ZNF91: variants seen among roughly 807,000 people sequenced by gnomAD.
The protein encoded by ZNF91 is zinc finger protein 91, also known as zinc finger protein 91 (HPF7, HTF10).
ZNF91 carries 7 observed loss-of-function variants against 12.6 expected under a neutral mutation model. That is an observed-to-expected ratio of 0.55 (90% CI 0.31 to 1.04). The LOEUF (loss-of-function observed/expected upper bound fraction) is 1.04. Ranked by LOEUF, ZNF91 falls within the 50% of genes least tolerant of loss-of-function variation. The probability of loss-of-function intolerance (pLI) is 0.05; values close to 1 mark genes in which losing one functional copy is unlikely to be tolerated. For missense variants in ZNF91, 1,217 were observed against 1,385.4 expected, an observed-to-expected ratio of 0.88 and a Z score of 1.93; for synonymous variants, 453 against 462.6, an observed-to-expected ratio of 0.98 and a Z score of 0.27.
At position 23,323,640 on chromosome 19, in the gene ZNF91, CTCT is replaced by C. The variant is rs541432470; in HGVS notation, n.117-14546_117-14544del. 7.7e-4 allele frequency among the ~76,000 whole-genome samples: 104 copies of C among 134,650 alleles called. 1 individual carries two copies. Among genetic ancestry groups the C allele is most frequent in the Non-Finnish European group, 1.4e-3 (90 of 64,334 alleles). 88.3% of individuals were successfully genotyped at this position (134,650 alleles called of 152,430 possible). On this transcript the variant is annotated intron_variant and non_coding_transcript_variant, in intron 1 of 1. Transcript: ENST00000596528. ...TCTCTTCTCCTTTCTCCTCCTCCTTCTCTTCTCCTCTCCTCCTCCTTTCCTCTT... is the reference window on the plus strand; with the variant it reads ...TCTCTTCTCCTTTCTCCTCCTCCTTCTCTCCTCTCCTCCTCCTTTCCTCTT...
At chr19:23,372,203 GGA>G (rs1184346930) in intron 3 of ZNF91, among the ~76,000 whole-genome samples, 1 of 151,668 alleles carries the variant, frequency 6.6e-6, no homozygotes, top group African/African-American at 2.4e-5. Context: ...AAATTTATAT[GGA>G]GAGTGACATT....
chr19:23,306,301 C>A (rs762701252), intron 3 of ZNF91, among the ~76,000 whole-genome samples: 2 of 152,196 alleles, frequency 1.3e-5, no homozygotes, highest in African/African-American at 2.4e-5. Context: ...GACCTTCCTG[C>A]AGGTGTGATT....
Position 23,359,018 on chromosome 19 carries a change from AT to A in ZNF91, c.*384del. The A allele has an allele frequency of 5.9e-6, 3 of 509,734 alleles. No homozygotes were observed. Among genetic ancestry groups the A allele is most frequent in the Non-Finnish European group, 1.1e-5 (3 of 261,066 alleles). 31.6% of individuals were successfully genotyped at this position (509,734 alleles called of 1,614,324 possible). The stretch of plus-strand genomic sequence containing the variant: ...GAAAACTGGTTAAAGGCTTTGCCAA[AT>A]TTTTCCTGTTTGTAGGGTTGCTGTC... On this transcript the variant is annotated 3_prime_UTR_variant, in exon 4 of 4. Transcript: ENST00000300619.
intron 1 of ZNF91, among the ~76,000 whole-genome samples, chr19:23,330,606 T>C (rs1599693930): frequency 6.6e-6 from 1 of 152,160 alleles, no homozygotes; most frequent in East Asian, 1.9e-4. Context: ...CATGGATAAT[T>C]CTGCATCACC....
At chr19:23,334,275 T>TA (rs1298655934), downstream of ZNF91, among the ~76,000 whole-genome samples, 11 of 152,230 alleles carry the variant, frequency 7.2e-5, no homozygotes, top group East Asian at 2.1e-3. Flanking sequence ...TGATGAGAGA[T>TA]ACTGGCCTTA....
intron 1 of ZNF91, among the ~76,000 whole-genome samples, chr19:23,322,187 C>A (rs1355487179): frequency 6.6e-6 from 1 of 152,176 alleles, no homozygotes; most frequent in Non-Finnish European, 1.5e-5. Flanking sequence ...TCTTCCTGAG[C>A]CCTACCCACA....
At chr19:23,374,528 C>A (rs1390443732) in intron 2 of ZNF91, 110 bp downstream of exon 2, 1 of 1,154,838 alleles carries the variant, frequency 8.7e-7, no homozygotes, top group Non-Finnish European at 1.2e-6. Context: ...CCACTGCACT[C>A]CAGTCTGGGC....
At chr19:23,342,672 A>G (rs1248372958) in intron 3 of ZNF91, among the ~76,000 whole-genome samples, 2 of 152,210 alleles carry the variant, frequency 1.3e-5, no homozygotes, top group African/African-American at 4.8e-5. Context: ...ATCTAAAAAT[A>G]ATTTATGCAG....
chr19:23,343,678 G>T (rs1450362689), intron 3 of ZNF91, among the ~76,000 whole-genome samples: 2 of 151,806 alleles, frequency 1.3e-5, no homozygotes, highest in African/African-American at 4.8e-5. Context: ...TAGACAGGAG[G>T]GGAAGAGAGA....
intron 1 of ZNF91, among the ~76,000 whole-genome samples, chr19:23,332,618 C>T (rs1967945788): frequency 6.6e-6 from 1 of 152,272 alleles, no homozygotes; most frequent in East Asian, 1.9e-4. Flanking sequence ...AAAAGATGGG[C>T]ACCCCAAGGA....
At chr19:23,336,989 A>G (rs1449635486), downstream of ZNF91, among the ~76,000 whole-genome samples, 2 of 152,200 alleles carry the variant, frequency 1.3e-5, no homozygotes, top group Non-Finnish European at 2.9e-5. Context: ...GTTGTGTTTA[A>G]TTTATTTATA....
intron 3 of ZNF91, among the ~76,000 whole-genome samples, chr19:23,342,721 T>C (rs1055634540): frequency 6.6e-6 from 1 of 151,868 alleles, no homozygotes; most frequent in Non-Finnish European, 1.5e-5. Flanking sequence ...AGGGAGAAAA[T>C]AGAAGCCTGA....
intron 1 of ZNF91, among the ~76,000 whole-genome samples, chr19:23,391,335 T>G (rs549223175): frequency 2.8e-4 from 43 of 152,320 alleles, no homozygotes; most frequent in African/African-American, 8.9e-4. Context: ...TCCTGAACTT[T>G]GAGCTACCCT....
At chr19:23,394,794 C>T (rs7249300) in intron 1 of ZNF91, among the ~76,000 whole-genome samples, 34,499 of 152,138 alleles carry the variant, frequency 0.23, 4,448 homozygotes, top group African/African-American at 0.34. Flanking sequence ...GTTTTCTTTA[C>T]CATGAACCTT....
At chr19:23,388,419 G>C (rs1202153189) in intron 1 of ZNF91, among the ~76,000 whole-genome samples, 11 of 152,198 alleles carry the variant, frequency 7.2e-5, no homozygotes, top group African/African-American at 2.6e-4. Context: ...AATAGCCAAA[G>C]TAAACATAAG....
downstream of ZNF91, chr19:23,338,571 G>A (rs1968059637): frequency 6.6e-6 from 1 of 151,200 alleles, no homozygotes; most frequent in African/African-American, 2.4e-5. Context: ...ATATATAAAA[G>A]TATAAAACTA....
chr19:23,383,618 G>A (rs1969786575), intron 1 of ZNF91, among the ~76,000 whole-genome samples: 1 of 151,920 alleles, frequency 6.6e-6, no homozygotes, highest in Non-Finnish European at 1.5e-5. Context: ...AACCCAGAAG[G>A]CAGAGGCTGC....
intron 1 of ZNF91, among the ~76,000 whole-genome samples, chr19:23,321,750 CT>C (rs1171019608): frequency 7.9e-5 from 12 of 152,076 alleles, no homozygotes; most frequent in Non-Finnish European, 1.3e-4. Flanking sequence ...ATGTATCTTT[CT>C]TTTCTTACCA....
At chr19:23,388,657 A>AG (rs1210282961) in intron 1 of ZNF91, among the ~76,000 whole-genome samples, 2 of 152,174 alleles carry the variant, frequency 1.3e-5, no homozygotes, top group Non-Finnish European at 2.9e-5. Context: ...AAATCACCTG[A>AG]GGTCAGGAGT....
Sources: allele counts gnomAD v4.1 joint callset (sites outside exome capture counted in the v4.1 genomes callset), GRCh38; gene constraint gnomAD v4.1.1; transcripts MANE v1.5; gene names NCBI Gene and HGNC (gene_info 2026-07-23, HGNC 2026-07-21).